Variants in ZNF367 observed in about 807,000 individuals in gnomAD.
ZNF367 encodes the protein zinc finger protein 367.
A neutral mutation model predicts 31.8 loss-of-function variants in ZNF367; 11 were observed. That is an observed-to-expected ratio of 0.35 (90% CI 0.22 to 0.57). The LOEUF (loss-of-function observed/expected upper bound fraction) is 0.57. ZNF367 is among the 20% of genes least tolerant of loss of function. The pLI is 0.85. For synonymous variants in ZNF367, 199 were observed against 202.4 expected, an observed-to-expected ratio of 0.98 and a Z score of 0.14; for missense variants, 353 against 484.1, an observed-to-expected ratio of 0.73 and a Z score of 2.54.
At chr9:96,399,017 A>G (rs1831567462) in intron 1 of ZNF367, among the ~76,000 whole-genome samples, 1 of 152,182 alleles carries the variant, frequency 6.6e-6, no homozygotes, top group African/African-American at 2.4e-5. Flanking sequence ...AAAAGATTTC[A>G]GTTGAAGCAA....
chr9:96,412,868 T>C (rs1303430214), intron 1 of ZNF367, among the ~76,000 whole-genome samples: 1 of 151,982 alleles, frequency 6.6e-6, no homozygotes, highest in East Asian at 1.9e-4. Flanking sequence ...GCTAATTTTT[T>C]TGTATTTTTA....
At chr9:96,408,622 G>A (rs1185041248) in intron 1 of ZNF367, among the ~76,000 whole-genome samples, 2 of 152,164 alleles carry the variant, frequency 1.3e-5, no homozygotes, top group East Asian at 1.9e-4. Context: ...GAGGGGCGGG[G>A]GAAAGGCAAG....
intron 1 of ZNF367, among the ~76,000 whole-genome samples, chr9:96,415,583 C>T (rs533535002): frequency 1.3e-3 from 187 of 147,216 alleles, no homozygotes; most frequent in Non-Finnish European, 2.1e-3. Flanking sequence ...CTGCAACCGC[C>T]GCCTCCCGAG....
intron 1 of ZNF367, among the ~76,000 whole-genome samples, chr9:96,402,444 CTTTTTTTTTT>C (rs1174997133): frequency 4.5e-5 from 3 of 66,094 alleles, no homozygotes; most frequent in Admixed American, 2.3e-4. Context: ...TTCTTTCTTT[CTTTTTTTTTT>C]TTTTTTTTTT....
chr9:96,417,390 T>G lies in ZNF367; in HGVS notation c.420+223A>C, dbSNP rs1444103256. 6.6e-6 allele frequency among the ~76,000 whole-genome samples: 1 copy of G among 151,024 alleles called. No homozygotes were observed. The highest frequency in any genetic ancestry group is 1.5e-5 in the Non-Finnish European group (1 of 67,710). ...GGGCCGCGCTCCCGCCCACTGCACC[T>G]GCCGCAAGGACGGTCTCCCGCGCCG... On this transcript the variant is annotated intron_variant, in intron 1 of 4. Coordinates refer to ENST00000375256, the MANE Select transcript of ZNF367 (RefSeq NM_153695.4). The surrounding 1 kb of genome is among the most constrained non-coding windows in gnomAD (Gnocchi z 5.0).
intron 1 of ZNF367, among the ~76,000 whole-genome samples, chr9:96,415,778 C>T (rs1394504391): frequency 6.6e-6 from 1 of 151,956 alleles, no homozygotes; most frequent in Non-Finnish European, 1.5e-5. Flanking sequence ...GGATTACAGG[C>T]GTGAGCCACC....
chr9:96,416,645 G>A (rs1257612312), intron 1 of ZNF367, among the ~76,000 whole-genome samples: 1 of 152,060 alleles, frequency 6.6e-6, no homozygotes, highest in Non-Finnish European at 1.5e-5. Flanking sequence ...CTTGCAAATT[G>A]CTTATCTTAT....
At position 96,407,715 on chromosome 9, in the gene ZNF367, G is replaced by A. The variant is rs930650958; in HGVS notation, c.421-9401C>T. The stretch of plus-strand genomic sequence containing the variant: ...TTATTCGAACAGGAAAGAAGGCATG[G>A]AAGAGGATAGTTACTAACGTGTGCT... On this transcript the variant is annotated intron_variant, in intron 1 of 4. Transcript: ENST00000375256. 5.9e-6 allele frequency: 8 copies of A among 1,352,664 alleles called. No homozygotes were observed. In the African/African-American group the frequency reaches 1.0e-4, roughly 17 times the overall value. The allele number at this position is 1,352,664 out of a possible 1,614,324, so 83.8% of individuals were successfully genotyped here.
chr9:96,393,348 C>T (rs1831494703), intron 3 of ZNF367, among the ~76,000 whole-genome samples: 1 of 150,616 alleles, frequency 6.6e-6, no homozygotes, highest in Non-Finnish European at 1.5e-5. Flanking sequence ...ACATGGTCCC[C>T]CATCTCTACT....
chr9:96,407,153 C>G, intron 1 of ZNF367: 1 of 602,246 alleles, frequency 1.7e-6, no homozygotes, highest in East Asian at 2.9e-5. Flanking sequence ...GACCCCATCT[C>G]TATTATTAAA....
rs72546575 is a variant in ZNF367 at position 96,417,437 on chromosome 9, G to GC, written c.420+175dup. On this transcript the variant is annotated intron_variant, in intron 1 of 4. Coordinates refer to ENST00000375256, the MANE Select transcript of ZNF367 (RefSeq NM_153695.4). The surrounding 1 kb of genome is among the most constrained non-coding windows in gnomAD (Gnocchi z 5.0). ...GCCGCTCCCGCCTGTCACGTGACAG[G>GC]CCCCCCCCGACTGGGGCCGGTTTTT... is the stretch of plus-strand genomic sequence containing the variant. 0.56 allele frequency among the ~76,000 whole-genome samples: 73,209 copies of GC among 131,272 alleles called. 18,801 individuals carry two copies. Among genetic ancestry groups the GC allele is most frequent in the East Asian group, 0.9 (4,460 of 4,938 alleles). The allele number at this position is 131,272 out of a possible 152,430, so 86.1% of individuals were successfully genotyped here.
chr9:96,394,884 T>C lies in ZNF367; in HGVS notation c.630A>G (p.Gly210=). Residue 210 remains glycine, a synonymous_variant, in exon 3 of 5, where the codon GGA becomes GGG. Transcript: ENST00000375256. ...PDCGKAFVQS[G]QLKTHQRLHT... The stretch of plus-strand genomic sequence containing the variant: ...GAAGACGCTGATGTGTTTTGAGCTG[T>C]CCACTTTGAACAAAGGCTTTTCCAC... 6.2e-7 allele frequency: 1 copy of C among 1,614,176 alleles called. No homozygotes were observed. Among genetic ancestry groups the C allele is most frequent in the South Asian group, 1.1e-5 (1 of 91,082 alleles).
chr9:96,416,017 C>T (rs1015677915), intron 1 of ZNF367, among the ~76,000 whole-genome samples: 4 of 151,768 alleles, frequency 2.6e-5, no homozygotes, highest in African/African-American at 9.7e-5. Context: ...GATTCCCCAG[C>T]CTCAGCCTCC....
chr9:96,401,856 A>C (rs1420711359), intron 1 of ZNF367, among the ~76,000 whole-genome samples: 2 of 150,652 alleles, frequency 1.3e-5, no homozygotes, highest in Non-Finnish European at 1.5e-5. Flanking sequence ...TAAATTAGCA[A>C]GGTGCAGTGG....
At chr9:96,416,640 A>T (rs906516530) in intron 1 of ZNF367, among the ~76,000 whole-genome samples, 4 of 152,184 alleles carry the variant, frequency 2.6e-5, no homozygotes, top group Non-Finnish European at 5.9e-5. Flanking sequence ...TATCTCTTGC[A>T]AATTGCTTAT....
At chr9:96,412,068 A>G (rs1442577654) in intron 1 of ZNF367, among the ~76,000 whole-genome samples, 1 of 152,244 alleles carries the variant, frequency 6.6e-6, no homozygotes, top group East Asian at 1.9e-4. Flanking sequence ...ATAAATGAAT[A>G]AAGACCATCT....
chr9:96,418,049 CA>C lies in ZNF367; in HGVS notation c.-18del. Reference sequence around the variant, plus strand: ...CCGGATCATCGCCCGGCCCGACCCCCAGCTCCGGCGGCCCCGGGCCGCACTC... The same window carrying C: ...CCGGATCATCGCCCGGCCCGACCCCCGCTCCGGCGGCCCCGGGCCGCACTC... On this transcript the variant is annotated 5_prime_UTR_variant, in exon 1 of 5. Coordinates refer to ENST00000375256, the MANE Select transcript of ZNF367 (RefSeq NM_153695.4). The C allele has an allele frequency of 7.4e-7, 1 of 1,356,574 alleles. No homozygotes were observed. Among genetic ancestry groups the C allele is most frequent in the Non-Finnish European group, 9.4e-7 (1 of 1,060,492 alleles). The allele number at this position is 1,356,574 out of a possible 1,614,324, so 84.0% of individuals were successfully genotyped here.
intron 1 of ZNF367, among the ~76,000 whole-genome samples, chr9:96,405,860 C>T (rs1387563860): frequency 1.3e-5 from 2 of 152,126 alleles, no homozygotes; most frequent in African/African-American, 2.4e-5. Context: ...TGTTTTGGAA[C>T]TCTTAGAACA....
intron 1 of ZNF367, among the ~76,000 whole-genome samples, chr9:96,416,324 G>C (rs1249217960): frequency 1.3e-5 from 2 of 151,986 alleles, no homozygotes; most frequent in Non-Finnish European, 2.9e-5. Context: ...CTGACCTCGT[G>C]ATCCGCCCGC....
Sources: allele counts gnomAD v4.1 joint callset (sites outside exome capture counted in the v4.1 genomes callset), GRCh38; gene constraint gnomAD v4.1.1; non-coding constraint Gnocchi (gnomAD v3.1); transcripts MANE v1.5; gene names NCBI Gene and HGNC (gene_info 2026-07-23, HGNC 2026-07-21).